PLEKHG3: variants seen among roughly 807,000 people sequenced by gnomAD.
PLEKHG3 encodes pleckstrin homology and RhoGEF domain containing G3, also known as pleckstrin homology domain-containing family G member 3.
A neutral mutation model predicts 94.9 loss-of-function variants in PLEKHG3; 62 were observed. That is an observed-to-expected ratio of 0.65 (90% CI 0.53 to 0.81). PLEKHG3 has a LOEUF of 0.81. Among genes scored for constraint, PLEKHG3 ranks in the 30% least tolerant of loss-of-function variants. The pLI, the probability that PLEKHG3 is intolerant of heterozygous loss-of-function variation, is 0.00. For synonymous variants in PLEKHG3, 614 were observed against 654.0 expected, an observed-to-expected ratio of 0.94 and a Z score of 0.93; for missense variants, 1,461 against 1,619.3, an observed-to-expected ratio of 0.90 and a Z score of 1.68.
In PLEKHG3 at chr14:64,716,154, A is replaced by G. The variant is rs1041619943; in HGVS notation, c.-39-11439A>G. The stretch of plus-strand genomic sequence containing the variant: ...ATGGGGTGGGATGGGGACTCTTTCA[A>G]CTCCGGGCCTCTAAGCCTTGCCGGA... On this transcript the variant is annotated intron_variant, in intron 1 of 16. Transcript: ENST00000247226. This position sits in a 1 kb window ranked among gnomAD's most constrained non-coding sequence, Gnocchi z 5.0. 8.9e-5 allele frequency: 38 copies of G among 425,032 alleles called. No individual in the cohort carries two copies. Among genetic ancestry groups the G allele is most frequent in the Non-Finnish European group, 1.4e-5 (3 of 209,770 alleles). The allele number at this position is 425,032 out of a possible 1,614,324, so 26.3% of individuals were successfully genotyped here.
chr14:64,725,278 C>T lies in PLEKHG3; in HGVS notation c.-39-2315C>T, dbSNP rs1187444532. 2.0e-5 allele frequency among the ~76,000 whole-genome samples: 3 copies of T among 151,436 alleles called. No homozygotes were observed. Among genetic ancestry groups the T allele is most frequent in the South Asian group, 2.1e-4 (1 of 4,802 alleles). On this transcript the variant is annotated intron_variant, in intron 1 of 16. Coordinates refer to ENST00000247226, the MANE Select transcript of PLEKHG3 (RefSeq NM_001308147.2). The surrounding 1 kb of genome is among the most constrained non-coding windows in gnomAD (Gnocchi z 5.0). ...TGTGAAATCCATTTGGGAGTGGGGC[C>T]GTTTCCATTTAGCTTCCCCAGAGAA...
Position 64,739,777 on chromosome 14 carries a change from C to T in PLEKHG3, c.1518+922C>T, listed in dbSNP as rs971234283. ...AAGGGGCAAGGAAGCTCCCTTGATCCTCATTTGTAAGGGATCTGACCCCAC... is the reference window on the plus strand; with the variant it reads ...AAGGGGCAAGGAAGCTCCCTTGATCTTCATTTGTAAGGGATCTGACCCCAC... On this transcript the variant is annotated intron_variant, in intron 15 of 16. Coordinates refer to ENST00000247226, the MANE Select transcript of PLEKHG3 (RefSeq NM_001308147.2). The surrounding 1 kb of genome is among the most constrained non-coding windows in gnomAD (Gnocchi z 4.1). 1.3e-5 allele frequency among the ~76,000 whole-genome samples: 2 copies of T among 152,180 alleles called. No homozygotes were observed. Among genetic ancestry groups the T allele is most frequent in the African/African-American group, 4.8e-5 (2 of 41,434 alleles).
rs2081649167 is a variant in PLEKHG3 at position 64,739,768 on chromosome 14, C to T, written c.1518+913C>T. 6.6e-6 allele frequency among the ~76,000 whole-genome samples: 1 copy of T among 152,164 alleles called. No individual in the cohort carries two copies. The highest frequency in any genetic ancestry group is 6.5e-5 in the Admixed American group (1 of 15,274). On this transcript the variant is annotated intron_variant, in intron 15 of 16. Transcript: ENST00000247226. The surrounding 1 kb of genome is among the most constrained non-coding windows in gnomAD (Gnocchi z 4.1). ...CACATGGCAAAGGGGCAAGGAAGCTCCCTTGATCCTCATTTGTAAGGGATC... is the reference window on the plus strand; with the variant it reads ...CACATGGCAAAGGGGCAAGGAAGCTTCCTTGATCCTCATTTGTAAGGGATC...
Position 64,750,181 on chromosome 14 carries a change from C to T in PLEKHG3, c.*6478C>T, listed in dbSNP as rs2081923133. Reference sequence around the variant, plus strand: ...TGCAAAGATGCAGACAGGCAGGTCACCCACATCCTGATATGGTATCTCTAG... The same window carrying T: ...TGCAAAGATGCAGACAGGCAGGTCATCCACATCCTGATATGGTATCTCTAG... On this transcript the variant is annotated 3_prime_UTR_variant, in exon 17 of 17. Coordinates refer to ENST00000247226, the MANE Select transcript of PLEKHG3 (RefSeq NM_001308147.2). 1 of 1,606,728 alleles carries T rather than the reference C, an allele frequency of 6.2e-7. No individual in the cohort carries two copies. The highest frequency in any genetic ancestry group is 8.5e-7 in the Non-Finnish European group (1 of 1,174,256).
rs1351880809 is a variant in PLEKHG3, at chr14:64,716,492, AC to A, written c.-39-11100del. On this transcript the variant is annotated intron_variant, in intron 1 of 16. Transcript: ENST00000247226. The surrounding 1 kb of genome is among the most constrained non-coding windows in gnomAD (Gnocchi z 5.0). ...ACACACACACACACAACACACACAC[AC>A]ACAACACACACACACACACACACAC... Among the ~76,000 whole-genome samples, 936 of 92,632 alleles carry A rather than the reference AC, an allele frequency of 0.01. 4 individuals carry two copies. The highest frequency in any genetic ancestry group is 0.016 in the Non-Finnish European group (726 of 44,982). The allele number at this position is 92,632 out of a possible 152,430, so 60.8% of individuals were successfully genotyped here. A position where few individuals can be genotyped will look rare whatever the true frequency, so the allele number is the denominator to read the frequency against.
In PLEKHG3 at chr14:64,716,134, G is replaced by T. The variant is rs2081141018; in HGVS notation, c.-40+11430G>T. The stretch of plus-strand genomic sequence containing the variant: ...GGCCAGGCCAGGGGATGGGAATGGG[G>T]TGGGATGGGGACTCTTTCAACTCCG... On this transcript the variant is annotated intron_variant, in intron 1 of 16. Coordinates refer to ENST00000247226, the MANE Select transcript of PLEKHG3 (RefSeq NM_001308147.2). This position sits in a 1 kb window ranked among gnomAD's most constrained non-coding sequence, Gnocchi z 5.0. 2.2e-6 allele frequency: 1 copy of T among 448,098 alleles called. No homozygotes were observed. Among genetic ancestry groups the T allele is most frequent in the African/African-American group, 2.0e-5 (1 of 49,840 alleles). 27.8% of individuals were successfully genotyped at this position (448,098 alleles called of 1,614,324 possible). A position where few individuals can be genotyped will look rare whatever the true frequency, so the allele number is the denominator to read the frequency against.
rs1053798708 is a variant in PLEKHG3 at position 64,745,389 on chromosome 14, C to T, written c.*1686C>T. 1 of 152,190 alleles carries T rather than the reference C, an allele frequency of 6.6e-6. No individual in the cohort carries two copies. Among genetic ancestry groups the T allele is most frequent in the Non-Finnish European group, 1.5e-5 (1 of 68,052 alleles). The allele number at this position is 152,190 out of a possible 1,614,324, so 9.4% of individuals were successfully genotyped here. On this transcript the variant is annotated 3_prime_UTR_variant, in exon 17 of 17. Coordinates refer to ENST00000247226, the MANE Select transcript of PLEKHG3 (RefSeq NM_001308147.2). The surrounding 1 kb of genome is among the most constrained non-coding windows in gnomAD (Gnocchi z 5.0). ...GGCTGCTGGGTCAGGGCCCTGTGGG[C>T]CTTCTGACCCAACCTGAAGATGGGT...
In PLEKHG3 at chr14:64,728,945, G is replaced by C; in HGVS notation, c.352-51G>C. On this transcript the variant is annotated intron_variant, in intron 2 of 16. Transcript: ENST00000247226. This position sits in a 1 kb window ranked among gnomAD's most constrained non-coding sequence, Gnocchi z 5.9. The stretch of plus-strand genomic sequence containing the variant: ...AAACGAGGTGTGGCTAGGGAAGGTA[G>C]TGGGCAGGGTTGTGCCGGGGGCTAG... 1 of 705,560 alleles carries C rather than the reference G, an allele frequency of 1.4e-6. No individual in the cohort carries two copies. The highest frequency in any genetic ancestry group is 1.6e-5 in the South Asian group (1 of 62,430). 43.7% of individuals were successfully genotyped at this position (705,560 alleles called of 1,614,324 possible).
chr14:64,743,028 G>A lies in PLEKHG3; in HGVS notation c.2985G>A (p.Met995Ile). The change falls in exon 17 of 17, where the codon ATG (methionine) becomes ATA (isoleucine). Residue 995 changes from methionine (M) to isoleucine (I), a missense_variant. Around this residue, in one of 3 missense-constraint regions of PLEKHG3, gnomAD observed 1,201 missense variants for 1,295.5 expected, o/e 0.93. Transcript: ENST00000247226. The surrounding 1 kb of genome is among the most constrained non-coding windows in gnomAD (Gnocchi z 7.2). The stretch of plus-strand genomic sequence containing the variant: ...CTCTATTTGACTATGAGCAGCTGAT[G>A]GCCCAGGAGCACAGCCCTCCCAAGC... ...VLSLFDYEQL[M>I]AQEHSPPKPS... 1 of 1,613,214 alleles carries A rather than the reference G, an allele frequency of 6.2e-7. No homozygotes were observed. Among genetic ancestry groups the A allele is most frequent in the South Asian group, 1.1e-5 (1 of 91,082 alleles).
Position 64,728,905 on chromosome 14 carries a change from G to A in PLEKHG3, c.352-91G>A, listed in dbSNP as rs1363801292. 2 of 580,406 alleles carry A rather than the reference G, an allele frequency of 3.4e-6. No homozygotes were observed. Among genetic ancestry groups the A allele is most frequent in the South Asian group, 2.0e-5 (1 of 49,092 alleles). The allele number at this position is 580,406 out of a possible 1,614,324, so 36.0% of individuals were successfully genotyped here. A position where few individuals can be genotyped will look rare whatever the true frequency, so the allele number is the denominator to read the frequency against. On this transcript the variant is annotated intron_variant, in intron 2 of 16. Coordinates refer to ENST00000247226, the MANE Select transcript of PLEKHG3 (RefSeq NM_001308147.2). This position sits in a 1 kb window ranked among gnomAD's most constrained non-coding sequence, Gnocchi z 5.9. ...CAGTAGGCAATGTCCGTGAAGTGGTGTTACAGCAGGGCCGAAACGAGGTGT... is the reference window on the plus strand; with the variant it reads ...CAGTAGGCAATGTCCGTGAAGTGGTATTACAGCAGGGCCGAAACGAGGTGT...
intron 12 of PLEKHG3, among the ~76,000 whole-genome samples, chr14:64,734,432 C>A (rs148935247): frequency 6.6e-6 from 1 of 152,186 alleles, no homozygotes; most frequent in East Asian, 1.9e-4. Flanking sequence ...GTGTTAGCAT[C>A]GAAACTTTAG....
intron 1 of PLEKHG3, among the ~76,000 whole-genome samples, chr14:64,708,599 T>TGCCTAACTCCTAGCC (rs552264186): frequency 7.0e-4 from 107 of 152,314 alleles, no homozygotes; most frequent in African/African-American, 2.4e-3. Flanking sequence ...CAGGGTCGGC[T>TGCCTAACTCCTAGCC]GCCTAACTCC....
At position 64,743,156 on chromosome 14, in the gene PLEKHG3, C is replaced by A. The variant is rs751747659; in HGVS notation, c.3113C>A (p.Pro1038His). The change falls in exon 17 of 17, where the codon CCC (proline) becomes CAC (histidine). Residue 1038 changes from proline to histidine, a missense_variant. By Grantham distance (77) the Pro-to-His change is moderately conservative. This residue lies in a region of PLEKHG3 where 1,201 missense variants were observed against 1,295.5 expected (regional missense o/e 0.93). Transcript: ENST00000247226. This position sits in a 1 kb window ranked among gnomAD's most constrained non-coding sequence, Gnocchi z 7.2. The part of the protein sequence containing the change: ...SPGGRPSARS[P>H]LSPTETFSWP... The stretch of plus-strand genomic sequence containing the variant: ...GGGGGCCGGCCCTCCGCCCGGAGCC[C>A]CCTCAGCCCCACAGAGACCTTCAGC... The A allele has an allele frequency of 6.2e-7, 1 of 1,611,050 alleles. No individual in the cohort carries two copies. The highest frequency in any genetic ancestry group is 2.2e-5 in the East Asian group (1 of 44,874).
In PLEKHG3 at chr14:64,750,083, G is replaced by A. The variant is rs1483333591; in HGVS notation, c.*6380G>A. ...CTCCCCATGGTAGGGCATCCCCAGG[G>A]CCAGGTTCTTGGCATCCTTGTAGAA... On this transcript the variant is annotated 3_prime_UTR_variant, in exon 17 of 17. Coordinates refer to ENST00000247226, the MANE Select transcript of PLEKHG3 (RefSeq NM_001308147.2). 4.3e-6 allele frequency: 7 copies of A among 1,614,048 alleles called. No homozygotes were observed. The highest frequency in any genetic ancestry group is 5.9e-6 in the Non-Finnish European group (7 of 1,180,032).
In PLEKHG3 at chr14:64,749,833, A is replaced by G; in HGVS notation, c.*6130A>G. The G allele has an allele frequency of 1.3e-6, 2 of 1,483,160 alleles. No homozygotes were observed. Among genetic ancestry groups the G allele is most frequent in the East Asian group, 2.4e-5 (1 of 42,410 alleles). 91.9% of individuals were successfully genotyped at this position (1,483,160 alleles called of 1,614,324 possible). A position where few individuals can be genotyped will look rare whatever the true frequency, so the allele number is the denominator to read the frequency against. ...GCAGCCCAGCACTTTCTGAGAGGTCAAAGTCTGGACCATCAGCCTCTTTGA... is the reference window on the plus strand; with the variant it reads ...GCAGCCCAGCACTTTCTGAGAGGTCGAAGTCTGGACCATCAGCCTCTTTGA... On this transcript the variant is annotated 3_prime_UTR_variant, in exon 17 of 17. Coordinates refer to ENST00000247226, the MANE Select transcript of PLEKHG3 (RefSeq NM_001308147.2). This position sits in a 1 kb window ranked among gnomAD's most constrained non-coding sequence, Gnocchi z 4.7.
rs558622954 is a variant in PLEKHG3, at chr14:64,733,805, C to T, written c.1345+904C>T. Among the ~76,000 whole-genome samples the T allele has an allele frequency of 9.2e-5, 14 of 152,300 alleles. No individual in the cohort carries two copies. The South Asian group carries it at 2.7e-3, about 29-fold the overall frequency. On this transcript the variant is annotated intron_variant, in intron 12 of 16. Coordinates refer to ENST00000247226, the MANE Select transcript of PLEKHG3 (RefSeq NM_001308147.2). ...AATCGTCTATTTGAAAAGAGAAAAC[C>T]TTGCTTTTATTCTAAACTCCGTGGT...
Position 64,726,160 on chromosome 14 carries a change from G to A in PLEKHG3, c.-39-1433G>A, listed in dbSNP as rs779437436. Among the ~76,000 whole-genome samples the A allele has an allele frequency of 1.1e-4, 16 of 152,116 alleles. No individual in the cohort carries two copies. The highest frequency in any genetic ancestry group is 2.1e-4 in the Non-Finnish European group (14 of 68,012). ...ATGGGGTGGATGGGGACGAGATAAC[G>A]CCAAGGCAGAGAGAACATTTGCAAA... On this transcript the variant is annotated intron_variant, in intron 1 of 16. Coordinates refer to ENST00000247226, the MANE Select transcript of PLEKHG3 (RefSeq NM_001308147.2). The surrounding 1 kb of genome is among the most constrained non-coding windows in gnomAD (Gnocchi z 5.1).
Position 64,748,936 on chromosome 14 carries a change from CTTTTTT to C in PLEKHG3, c.*5246_*5251del, listed in dbSNP as rs34353769. 2.0e-4 allele frequency: 26 copies of C among 128,726 alleles called. No homozygotes were observed. Among genetic ancestry groups the C allele is most frequent in the South Asian group, 6.8e-4 (3 of 4,428 alleles). 8.0% of individuals were successfully genotyped at this position (128,726 alleles called of 1,614,324 possible). A position where few individuals can be genotyped will look rare whatever the true frequency, so the allele number is the denominator to read the frequency against. ...AGAACCCCATCAGCCTTCTCCAGCT[CTTTTTT>C]TTTTTTTTTTTTGGTTGGGGGTAAG... On this transcript the variant is annotated 3_prime_UTR_variant, in exon 17 of 17. Coordinates refer to ENST00000247226, the MANE Select transcript of PLEKHG3 (RefSeq NM_001308147.2).
Position 64,742,308 on chromosome 14 carries a change from C to T in PLEKHG3, c.2791C>T (p.Arg931Cys), listed in dbSNP as rs376557609. The change falls in exon 16 of 17, where the codon CGC becomes TGC. Residue 931 changes from arginine (R) to cysteine (C), a missense_variant. Around this residue, in one of 3 missense-constraint regions of PLEKHG3, gnomAD observed 1,201 missense variants for 1,295.5 expected, o/e 0.93. Coordinates refer to ENST00000247226, the MANE Select transcript of PLEKHG3 (RefSeq NM_001308147.2). ...RVKNKVYQLA[R>C]QYSLRIKSNK... Reference sequence around the variant, plus strand: ...CAAGAACAAGGTCTACCAGCTGGCCCGCCAGTACAGCCTCCGGATCAAGAG... The same window carrying T: ...CAAGAACAAGGTCTACCAGCTGGCCTGCCAGTACAGCCTCCGGATCAAGAG... 3.3e-5 allele frequency: 54 copies of T among 1,612,928 alleles called. No individual in the cohort carries two copies. Among genetic ancestry groups the T allele is most frequent in the Non-Finnish European group, 4.3e-5 (51 of 1,180,044 alleles).
Sources: gnomAD v4.1 joint callset for allele counts (sites outside exome capture counted in the v4.1 genomes callset) on GRCh38, gnomAD v4.1.1 for gene constraint, gnomAD v4.1.1 regional missense constraint, Gnocchi (gnomAD v3.1) non-coding constraint, MANE v1.5 for transcripts, NCBI Gene and HGNC (gene_info 2026-07-23, HGNC 2026-07-21) for gene names.